The following ZNF350 variants were observed in gnomAD, a reference collection of about 807,000 sequenced individuals.
ZNF350 encodes the protein KRAB zinc finger protein ZFQR.
A neutral mutation model predicts 13.1 loss-of-function variants in ZNF350; 5 were observed. The ratio of observed to expected loss-of-function variants is 0.38; its 90% CI spans 0.20 to 0.80. ZNF350 has a LOEUF of 0.80. ZNF350 is among the 30% of genes least tolerant of loss of function. The probability of loss-of-function intolerance (pLI) is 0.43; values close to 1 mark genes in which losing one functional copy is unlikely to be tolerated. For missense variants in ZNF350, 534 were observed against 644.2 expected (o/e 0.83, Z 1.85); for synonymous variants, 199 against 224.2 (o/e 0.89, Z 1.00).
chr19:51,985,479 G>A (rs1449285080), intron 1 of ZNF350, among the ~76,000 whole-genome samples: 4 of 152,142 alleles, frequency 2.6e-5, no homozygotes, highest in Admixed American at 6.5e-5. Flanking sequence ...AAACTCCCAG[G>A]CAGATTTTCA....
chr19:51,964,824 C>T lies in ZNF350; in HGVS notation c.*30G>A, dbSNP rs1402113435. ...TAATGAACTACAAATTTTTGCTCAACCCTTTTCCACATAGATCTGAGTTTT... is the reference window on the plus strand; with the variant it reads ...TAATGAACTACAAATTTTTGCTCAATCCTTTTCCACATAGATCTGAGTTTT... On this transcript the variant is annotated 3_prime_UTR_variant, in exon 5 of 5. Coordinates refer to ENST00000243644, the MANE Select transcript of ZNF350 (RefSeq NM_021632.4). 6 of 1,578,170 alleles carry T rather than the reference C, an allele frequency of 3.8e-6. No individual in the cohort carries two copies. Among genetic ancestry groups the T allele is most frequent in the South Asian group, 2.3e-5 (2 of 85,306 alleles).
At chr19:51,977,410 TG>T (rs2085923322) in intron 1 of ZNF350, among the ~76,000 whole-genome samples, 2 of 152,182 alleles carry the variant, frequency 1.3e-5, no homozygotes. Flanking sequence ...GAATTTAAAT[TG>T]GCAAGAAATG....
intron 1 of ZNF350, 181 bp from the exon 2 acceptor site, chr19:51,974,712 T>C: frequency 5.3e-6 from 1 of 189,700 alleles, no homozygotes; most frequent in South Asian, 1.6e-4. Flanking sequence ...CTTAATGTGG[T>C]GGAGGTATGC....
In ZNF350 at chr19:51,969,088, T is replaced by G. The variant is rs746820393; in HGVS notation, c.59A>C (p.Glu20Ala). The change falls in exon 3 of 5, where the codon GAG (glutamate) becomes GCG (alanine). Residue 20 changes from glutamate (E) to alanine (A), a missense_variant. Physicochemically the swap from Glu to Ala is moderately radical, Grantham distance 107 (BLOSUM62 -1). Transcript: ENST00000243644. The part of the protein sequence containing the change: ...LEDVAVDFTW[E>A]EWQLLGAAQK... The stretch of plus-strand genomic sequence containing the variant: ...AGCAGCGCCCAGGAGTTGCCACTCC[T>G]CCCAAGTGAAGTCCACAGCCACATC... 4 of 1,613,984 alleles carry G rather than the reference T, an allele frequency of 2.5e-6. No individual in the cohort carries two copies. The African/African-American group carries it at 5.3e-5, about 22-fold the overall frequency.
At position 51,976,325 on chromosome 19, in the gene ZNF350, G is replaced by C. The variant is rs530739538; in HGVS notation, c.-171-1794C>G. Reference sequence around the variant, plus strand: ...TGTCCCCTAGAGGCAAAGCGCCCCCGATCCCTTCTTCCAAATACACTCTTT... The same window carrying C: ...TGTCCCCTAGAGGCAAAGCGCCCCCCATCCCTTCTTCCAAATACACTCTTT... On this transcript the variant is annotated intron_variant, in intron 1 of 4. Transcript: ENST00000243644. The surrounding 1 kb of genome is among the most constrained non-coding windows in gnomAD (Gnocchi z 4.5). 6.6e-6 allele frequency: 1 copy of C among 152,224 alleles called. No individual in the cohort carries two copies. Among genetic ancestry groups the C allele is most frequent in the South Asian group, 2.1e-4 (1 of 4,822 alleles). The allele number at this position is 152,224 out of a possible 1,614,324, so 9.4% of individuals were successfully genotyped here. A position where few individuals can be genotyped will look rare whatever the true frequency, so the allele number is the denominator to read the frequency against.
chr19:51,972,253 C>G (rs2085758902), intron 2 of ZNF350, among the ~76,000 whole-genome samples: 2 of 140,922 alleles, frequency 1.4e-5, no homozygotes, highest in Non-Finnish European at 3.0e-5. Context: ...CCCAGGAGTT[C>G]AAGAGCAGCC....
At chr19:51,981,264 C>A (rs980669180) in intron 1 of ZNF350, 1 of 149,534 alleles carries the variant, frequency 6.7e-6, no homozygotes, top group East Asian at 2.0e-4. Flanking sequence ...TCCACCCCCC[C>A]ACCCTCCTAT....
chr19:51,969,118 A>G lies in ZNF350; in HGVS notation c.29T>C (p.Leu10Pro), dbSNP rs772792259. MIQAQESIT[L>P]EDVAVDFTWE... ...AGTGAAGTCCACAGCCACATCCTCC[A>G]GTGTTATGGATTCCTGTAATAACAG... is the stretch of plus-strand genomic sequence containing the variant. The change falls in exon 3 of 5, where the codon CTG becomes CCG. Residue 10 changes from leucine to proline, a missense_variant. Transcript: ENST00000243644. The G allele has an allele frequency of 6.2e-7, 1 of 1,614,006 alleles. No individual in the cohort carries two copies. The highest frequency in any genetic ancestry group is 2.2e-5 in the East Asian group (1 of 44,874).
At chr19:51,968,464 C>G in intron 4 of ZNF350, 114 bp downstream of exon 4, 1 of 902,588 alleles carries the variant, frequency 1.1e-6, no homozygotes. Context: ...CACTGGGAGA[C>G]AGATGAGTAG....
In ZNF350 at chr19:51,969,032, C is replaced by G; in HGVS notation, c.115G>C (p.Glu39Gln). The G allele has an allele frequency of 6.2e-7, 1 of 1,614,108 alleles. No individual in the cohort carries two copies. Among genetic ancestry groups the G allele is most frequent in the South Asian group, 1.1e-5 (1 of 91,078 alleles). Residue 39 changes from glutamate to glutamine, a missense_variant, in exon 3 of 5, where the codon GAG becomes CAG. Transcript: ENST00000243644. ...ACTGCCACCAGGTTGCTGTAGTTCT[C>G]CAACATCACATCCCGGTACAGGTCC... ...QKDLYRDVML[E>Q]NYSNLVAVGY...
intron 1 of ZNF350, among the ~76,000 whole-genome samples, chr19:51,977,064 A>G (rs2085915999): frequency 6.6e-6 from 1 of 152,232 alleles, no homozygotes; most frequent in Admixed American, 6.5e-5. Flanking sequence ...CTTCAGTTGC[A>G]GAAACATCTG....
chr19:51,983,312 A>G (rs2086096324), intron 1 of ZNF350, among the ~76,000 whole-genome samples: 1 of 152,152 alleles, frequency 6.6e-6, no homozygotes, highest in Non-Finnish European at 1.5e-5. Context: ...CCTCCCACTG[A>G]TACAGCCTGA....
intron 2 of ZNF350, 183 bp downstream of exon 2, chr19:51,974,163 T>A: frequency 1.8e-6 from 1 of 567,994 alleles, no homozygotes; most frequent in East Asian, 2.9e-5. Flanking sequence ...GTTAATGCTA[T>A]GAACATTATA....
intron 4 of ZNF350, 139 bp from the exon 5 acceptor site, chr19:51,966,353 A>C: frequency 1.2e-6 from 1 of 822,874 alleles, no homozygotes; most frequent in Non-Finnish European, 1.8e-6. Flanking sequence ...CTGCGATCTC[A>C]GCTCACTGCA....
intron 1 of ZNF350, among the ~76,000 whole-genome samples, chr19:51,985,520 G>A (rs1036862969): frequency 6.6e-6 from 1 of 152,138 alleles, no homozygotes; most frequent in African/African-American, 2.4e-5. Context: ...TGCACCATAC[G>A]CCTAAGCTCA....
Position 51,964,623 on chromosome 19 carries a change from TA to T in ZNF350, c.*230del. 1.9e-6 allele frequency: 1 copy of T among 530,434 alleles called. No homozygotes were observed. The highest frequency in any genetic ancestry group is 3.3e-6 in the Non-Finnish European group (1 of 303,652). 32.9% of individuals were successfully genotyped at this position (530,434 alleles called of 1,614,324 possible). On this transcript the variant is annotated 3_prime_UTR_variant, in exon 5 of 5. Coordinates refer to ENST00000243644, the MANE Select transcript of ZNF350 (RefSeq NM_021632.4). ...TTCACAGTACTTCATTTCCTCCACT[TA>T]AAAGTACTTGGGCTTCCTTTACTCA...
chr19:51,974,269 T>C, intron 2 of ZNF350, 77 bp downstream of exon 2: 1 of 1,494,946 alleles, frequency 6.7e-7, no homozygotes, highest in African/African-American at 1.4e-5. Context: ...TTTATATTAG[T>C]GAAATTGATG....
chr19:51,966,339 A>G (rs2085571141), intron 4 of ZNF350, 125 bp from the exon 5 acceptor site: 3 of 980,392 alleles, frequency 3.1e-6, no homozygotes, highest in Non-Finnish European at 2.9e-6. Flanking sequence ...GCTGGAGTGC[A>G]ATGCTGCGAT....
chr19:51,967,410 A>T (rs538256199), intron 4 of ZNF350: 6 of 152,218 alleles, frequency 3.9e-5, no homozygotes, highest in East Asian at 1.9e-4. Flanking sequence ...TCTTAAAAAA[A>T]AAATAAATTA....
Sources: gnomAD v4.1 joint callset for allele counts (sites outside exome capture counted in the v4.1 genomes callset) on GRCh38, gnomAD v4.1.1 for gene constraint, Gnocchi (gnomAD v3.1) non-coding constraint, MANE v1.5 for transcripts, NCBI Gene and HGNC (gene_info 2026-07-23, HGNC 2026-07-21) for gene names.